VOPP1: variants seen among roughly 807,000 people sequenced by gnomAD.
VOPP1 encodes WW domain binding protein VOPP1.
In VOPP1, 8 loss-of-function variants were observed where a neutral mutation model predicts 23.5. The observed-to-expected ratio is 0.34, with a 90% CI of 0.20 to 0.61. The LOEUF (loss-of-function observed/expected upper bound fraction) is 0.61, where lower values mean the gene tolerates loss of function less well. Ranked by LOEUF, VOPP1 falls within the 20% of genes least tolerant of loss-of-function variation. The probability of loss-of-function intolerance (pLI) is 0.78; values close to 1 mark genes in which losing one functional copy is unlikely to be tolerated. For synonymous variants in VOPP1, 83 were observed against 97.3 expected, an observed-to-expected ratio of 0.85 and a Z score of 0.86; for missense variants, 174 against 238.1, an observed-to-expected ratio of 0.73 and a Z score of 1.77.
chr7:55,514,832 G>A (rs1795300479), intron 2 of VOPP1, among the ~76,000 whole-genome samples: 2 of 152,174 alleles, frequency 1.3e-5, no homozygotes, highest in South Asian at 4.1e-4. Context: ...AGCTAGTCTA[G>A]GACAACTTGG....
At chr7:55,551,338 C>T (rs1584105958) in intron 1 of VOPP1, among the ~76,000 whole-genome samples, 1 of 152,210 alleles carries the variant, frequency 6.6e-6, no homozygotes, top group African/African-American at 2.4e-5. Flanking sequence ...GGGCGTGGAG[C>T]ACCAGAACCC....
chr7:55,543,516 C>G (rs1459576263), intron 1 of VOPP1, among the ~76,000 whole-genome samples: 1 of 152,198 alleles, frequency 6.6e-6, no homozygotes, highest in Non-Finnish European at 1.5e-5. Flanking sequence ...ATAGTACTAA[C>G]TTACATTCCC....
intron 1 of VOPP1, among the ~76,000 whole-genome samples, chr7:55,555,820 C>T (rs560116060): frequency 6.6e-6 from 1 of 152,270 alleles, no homozygotes; most frequent in South Asian, 2.1e-4. Context: ...AAAAACCTTT[C>T]GGGGACTGCA....
chr7:55,482,350 T>A, intron 4 of VOPP1, among the ~76,000 whole-genome samples: 1 of 135,302 alleles, frequency 7.4e-6, no homozygotes, highest in African/African-American at 2.8e-5. Context: ...GGGAGGTATT[T>A]TTTTTTTTTT....
At chr7:55,540,231 C>T (rs2129050543) in intron 1 of VOPP1, among the ~76,000 whole-genome samples, 1 of 151,956 alleles carries the variant, frequency 6.6e-6, no homozygotes, top group South Asian at 2.1e-4. Context: ...AACCCTGTCT[C>T]CGCTAAAAAT....
chr7:55,504,978 T>G (rs1794616043), intron 2 of VOPP1, among the ~76,000 whole-genome samples: 1 of 152,210 alleles, frequency 6.6e-6, no homozygotes, highest in South Asian at 2.1e-4. Context: ...TGCAGTACAG[T>G]CTGGGACCCA....
At position 55,492,347 on chromosome 7, in the gene VOPP1, G is replaced by A. The variant is rs761342498; in HGVS notation, c.263C>T (p.Pro88Leu). The A allele has an allele frequency of 1.9e-5, 31 of 1,608,442 alleles. No individual in the cohort carries two copies. Among genetic ancestry groups the A allele is most frequent in the Middle Eastern group, 1.6e-4 (1 of 6,072 alleles). Residue 88 changes from proline to leucine, a missense_variant, in exon 4 of 5, where the codon CCG becomes CTG. By Grantham distance (98) the Pro-to-Leu change is moderately conservative. Transcript: ENST00000285279. The stretch of plus-strand genomic sequence containing the variant: ...GAAGGCTGGCTCCTCGATCAGCGGC[G>A]GGGGGTACATGCGCCTCCGGATGAA... ...GFFIRRRMYPPPLIEEPAFNV... is the reference protein window; with the variant it reads ...GFFIRRRMYPLPLIEEPAFNV...
chr7:55,505,955 T>G (rs1300319060), intron 2 of VOPP1, among the ~76,000 whole-genome samples: 4 of 152,226 alleles, frequency 2.6e-5, no homozygotes, highest in African/African-American at 4.8e-5. Context: ...AGATCACTGA[T>G]GCCCCGTCTC....
At chr7:55,520,191 C>T (rs746083755) in intron 2 of VOPP1, among the ~76,000 whole-genome samples, 6 of 152,016 alleles carry the variant, frequency 3.9e-5, no homozygotes, top group East Asian at 1.9e-4. Context: ...AAAAATAACG[C>T]GTTTTCCTAT....
chr7:55,510,521 ACTC>A (rs1464912396), intron 2 of VOPP1, among the ~76,000 whole-genome samples: 1 of 148,872 alleles, frequency 6.7e-6, no homozygotes, highest in Non-Finnish European at 1.5e-5. Flanking sequence ...CCTAGGCAAA[ACTC>A]CTGGTGGGCT....
At chr7:55,484,767 C>A (rs551309680) in intron 4 of VOPP1, among the ~76,000 whole-genome samples, 1 of 152,284 alleles carries the variant, frequency 6.6e-6, no homozygotes, top group Non-Finnish European at 1.5e-5. Flanking sequence ...AACAAGTATG[C>A]GTTCATACTC....
At chr7:55,438,225 A>G (rs1247829504) in intron 4 of VOPP1, among the ~76,000 whole-genome samples, 1 of 151,946 alleles carries the variant, frequency 6.6e-6, no homozygotes, top group Non-Finnish European at 1.5e-5. Flanking sequence ...TTGGTGTCTT[A>G]TCTCTCCGAG....
At chr7:55,499,746 C>T (rs948858189) in intron 2 of VOPP1, among the ~76,000 whole-genome samples, 5 of 152,076 alleles carry the variant, frequency 3.3e-5, no homozygotes, top group South Asian at 2.1e-4. Flanking sequence ...TCTCAGTGCT[C>T]GGGACGGGGG....
chr7:55,549,698 G>GAAGCTCATCT (rs1797520476), intron 1 of VOPP1, among the ~76,000 whole-genome samples: 1 of 152,214 alleles, frequency 6.6e-6, no homozygotes. Flanking sequence ...GCAATGAGCA[G>GAAGCTCATCT]AAGCTCATCT....
chr7:55,453,425 T>G (rs1253743950), intron 4 of VOPP1, among the ~76,000 whole-genome samples: 2 of 152,220 alleles, frequency 1.3e-5, no homozygotes, highest in African/African-American at 4.8e-5. Flanking sequence ...TTCTAGCTTT[T>G]GATTTAAAAT....
chr7:55,559,226 A>G (rs1043806715), intron 1 of VOPP1, among the ~76,000 whole-genome samples: 1 of 152,218 alleles, frequency 6.6e-6, no homozygotes, highest in African/African-American at 2.4e-5. Context: ...TCTAGTGGTG[A>G]CAATCATCAC....
At chr7:55,518,612 T>C (rs1420626009) in intron 2 of VOPP1, among the ~76,000 whole-genome samples, 2 of 152,122 alleles carry the variant, frequency 1.3e-5, no homozygotes, top group Non-Finnish European at 2.9e-5. Flanking sequence ...GTCCCCTACA[T>C]GGGTTGGCGC....
chr7:55,524,154 C>T (rs913679561), intron 1 of VOPP1, among the ~76,000 whole-genome samples: 3 of 152,240 alleles, frequency 2.0e-5, no homozygotes, highest in South Asian at 2.1e-4. Flanking sequence ...CTCTTCTTCC[C>T]GCATTTTTCT....
At chr7:55,568,756 C>T (rs949904635) in intron 1 of VOPP1, among the ~76,000 whole-genome samples, 4 of 152,174 alleles carry the variant, frequency 2.6e-5, no homozygotes, top group Admixed American at 2.0e-4. Flanking sequence ...TCATTACTCT[C>T]GGGATTCAAC....
Sources: allele counts gnomAD v4.1 joint callset (sites outside exome capture counted in the v4.1 genomes callset), GRCh38; gene constraint gnomAD v4.1.1; transcripts MANE v1.5; gene names NCBI Gene and HGNC (gene_info 2026-07-23, HGNC 2026-07-21).